FAM228B: variants seen among roughly 807,000 people sequenced by gnomAD.
FAM228B encodes the protein family with sequence similarity 228 member B, also known as protein FAM228B.
Under a neutral mutation model 42.6 loss-of-function variants are expected in FAM228B, and 38 were observed. The ratio of observed to expected loss-of-function variants is 0.89; its 90% CI spans 0.69 to 1.17. FAM228B has a LOEUF of 1.17. Ranked by LOEUF, FAM228B falls within the 50% of genes most tolerant of loss-of-function variation. The pLI, the probability that FAM228B is intolerant of heterozygous loss-of-function variation, is 0.00. For synonymous variants in FAM228B, 109 were observed against 122.3 expected (o/e 0.89, Z 0.72); for missense variants, 344 against 367.3 (o/e 0.94, Z 0.52).
At chr2:24,120,496 G>C (rs1460446042), upstream of FAM228B, among the ~76,000 whole-genome samples, 2 of 152,094 alleles carry the variant, frequency 1.3e-5, no homozygotes, top group East Asian at 1.9e-4. Flanking sequence ...ATAATATAGG[G>C]CATCCAATGA....
chr2:24,156,951 T>C (rs1667163847), intron 7 of FAM228B, among the ~76,000 whole-genome samples: 1 of 152,204 alleles, frequency 6.6e-6, no homozygotes, highest in Non-Finnish European at 1.5e-5. Context: ...CTGTTTGTGC[T>C]CTTTCAGTCT....
At chr2:24,102,264 C>T (rs1300280334) in intron 3 of FAM228B, among the ~76,000 whole-genome samples, 1 of 152,146 alleles carries the variant, frequency 6.6e-6, no homozygotes, top group Non-Finnish European at 1.5e-5. Context: ...TGGAATTATA[C>T]CAGCAAAGCT....
chr2:24,148,776 G>A (rs1666954105), intron 7 of FAM228B, among the ~76,000 whole-genome samples: 1 of 151,928 alleles, frequency 6.6e-6, no homozygotes. Context: ...AAGTGTTATT[G>A]ACTATAGTCC....
At chr2:24,135,782 C>T (rs13035774) in intron 3 of FAM228B, among the ~76,000 whole-genome samples, 68,908 of 151,846 alleles carry the variant, frequency 0.45, 16,595 homozygotes, top group East Asian at 0.78. Flanking sequence ...TTGAATTTCA[C>T]GCTCTTCCTA....
chr2:24,158,685 A>G (rs971462553), intron 7 of FAM228B, among the ~76,000 whole-genome samples: 22 of 152,176 alleles, frequency 1.4e-4, no homozygotes, highest in Non-Finnish European at 2.8e-4. Context: ...CTCAGTCACG[A>G]TGGTGGCAAG....
intron 3 of FAM228B, chr2:24,097,451 C>CAAAAAA (rs142500481): frequency 2.6e-4 from 18 of 70,346 alleles, no homozygotes; most frequent in African/African-American, 5.7e-4. Context: ...AAATGGAAAG[C>CAAAAAA]AAAAAAAAAA....
intron 2 of FAM228B, among the ~76,000 whole-genome samples, chr2:24,082,611 A>C (rs1665052712): frequency 6.6e-6 from 1 of 152,140 alleles, no homozygotes; most frequent in Admixed American, 6.5e-5. Flanking sequence ...CCCCAGAGAG[A>C]AGCTCAGTAT....
Position 24,142,751 on chromosome 2 carries a change from G to A in FAM228B, c.441+3301G>A, listed in dbSNP as rs187796796. 2.0e-5 allele frequency: 3 copies of A among 152,322 alleles called. No homozygotes were observed. In the East Asian group the frequency reaches 5.8e-4, roughly 29 times the overall value. 9.4% of individuals were successfully genotyped at this position (152,322 alleles called of 1,614,324 possible). A position where few individuals can be genotyped will look rare whatever the true frequency, so the allele number is the denominator to read the frequency against. The stretch of plus-strand genomic sequence containing the variant: ...ATTTGTTGCCAATGATAAAAGGTGA[G>A]CTTTCAAGCAAAACATTTGGAATTT... On this transcript the variant is annotated intron_variant, in intron 5 of 10. Coordinates refer to ENST00000615575, the MANE Select transcript of FAM228B (RefSeq NM_001145710.2).
chr2:24,077,872 C>T lies in FAM228B; in HGVS notation c.-290+903C>T, dbSNP rs912097707. ...GAAGCCACGTATCTGAAAAAGCACA[C>T]AGGGACACTTAACCCCTCACTTCCT... On this transcript the variant is annotated intron_variant, in intron 1 of 10. Coordinates refer to the FAM228B transcript ENST00000613899. This position sits in a 1 kb window ranked among gnomAD's most constrained non-coding sequence, Gnocchi z 5.5. The T allele has an allele frequency of 8.4e-7, 1 of 1,192,566 alleles. No homozygotes were observed. Among genetic ancestry groups the T allele is most frequent in the South Asian group, 1.5e-5 (1 of 68,030 alleles). 73.9% of individuals were successfully genotyped at this position (1,192,566 alleles called of 1,614,324 possible).
intron 2 of FAM228B, among the ~76,000 whole-genome samples, chr2:24,094,922 A>G (rs763212214): frequency 9.2e-5 from 14 of 152,058 alleles, no homozygotes; most frequent in Non-Finnish European, 1.6e-4. Context: ...GTGAAACCCC[A>G]TCTCTACTAA....
chr2:24,079,773 G>T, intron 1 of FAM228B: 1 of 805,914 alleles, frequency 1.2e-6, no homozygotes, highest in Non-Finnish European at 2.0e-6. Flanking sequence ...AACACTGCTT[G>T]AAGAACTGTT....
intron 7 of FAM228B, among the ~76,000 whole-genome samples, chr2:24,152,881 A>G (rs1344549473): frequency 1.3e-5 from 2 of 152,180 alleles, no homozygotes; most frequent in Non-Finnish European, 2.9e-5. Flanking sequence ...TTTCTACTGC[A>G]GCTCAGCTGG....
At chr2:24,079,251 G>A in intron 1 of FAM228B, 1 of 585,918 alleles carries the variant, frequency 1.7e-6, no homozygotes, top group Non-Finnish European at 3.0e-6. Flanking sequence ...TTCTTTTCAT[G>A]ATACTGAAGC....
chr2:24,144,039 A>G (rs765315168), intron 5 of FAM228B, among the ~76,000 whole-genome samples: 18 of 152,152 alleles, frequency 1.2e-4, no homozygotes, highest in Admixed American at 9.8e-4. Context: ...CTGGGTTACA[A>G]TACCTCCATT....
At chr2:24,136,352 T>G (rs1414630461) in intron 3 of FAM228B, among the ~76,000 whole-genome samples, 1 of 152,192 alleles carries the variant, frequency 6.6e-6, no homozygotes, top group African/African-American at 2.4e-5. Flanking sequence ...ACCTCCCAAG[T>G]AGCTGGGATT....
chr2:24,138,806 C>T (rs1191426419), intron 4 of FAM228B, among the ~76,000 whole-genome samples: 1 of 151,552 alleles, frequency 6.6e-6, no homozygotes, highest in Admixed American at 6.6e-5. Flanking sequence ...ATTAGCCAGG[C>T]ATGGTGGTGG....
chr2:24,153,956 A>G (rs1468783867), intron 7 of FAM228B, among the ~76,000 whole-genome samples: 1 of 152,220 alleles, frequency 6.6e-6, no homozygotes, highest in Non-Finnish European at 1.5e-5. Context: ...TGAGCCCAGC[A>G]TGGCTTTATT....
Position 24,137,976 on chromosome 2 carries a change from G to T in FAM228B, c.236G>T (p.Arg79Ile). Residue 79 changes from arginine to isoleucine, a missense_variant, in exon 4 of 11, where the codon AGA becomes ATA. Coordinates refer to ENST00000615575, the MANE Select transcript of FAM228B (RefSeq NM_001145710.2). Reference sequence around the variant, plus strand: ...AGAAGAAAGGAGATGTTATATAAAAGATGGGTTGACTGTGTGGCAGATCCT... The same window carrying T: ...AGAAGAAAGGAGATGTTATATAAAATATGGGTTGACTGTGTGGCAGATCCT... Reference protein sequence around the residue: ...NARRKEMLYKRWVDCVADPLQ... With the variant: ...NARRKEMLYKIWVDCVADPLQ... 1 of 1,547,924 alleles carries T rather than the reference G, an allele frequency of 6.5e-7. No homozygotes were observed. The highest frequency in any genetic ancestry group is 8.7e-7 in the Non-Finnish European group (1 of 1,146,120).
chr2:24,138,000 C>T lies in FAM228B; in HGVS notation c.260C>T (p.Pro87Leu), dbSNP rs61735940. 1 of 1,547,790 alleles carries T rather than the reference C, an allele frequency of 6.5e-7. No individual in the cohort carries two copies. Among genetic ancestry groups the T allele is most frequent in the Non-Finnish European group, 8.7e-7 (1 of 1,145,902 alleles). Reference sequence around the variant, plus strand: ...AGATGGGTTGACTGTGTGGCAGATCCTCTTCAGAAGAAAATTATAGAAAAA... The same window carrying T: ...AGATGGGTTGACTGTGTGGCAGATCTTCTTCAGAAGAAAATTATAGAAAAA... Reference protein sequence around the residue: ...YKRWVDCVADPLQKKIIEKVC... With the variant: ...YKRWVDCVADLLQKKIIEKVC... The change falls in exon 4 of 11, where the codon CCT (proline) becomes CTT (leucine). Residue 87 changes from proline (P) to leucine (L), a missense_variant. Pro to Leu is a moderately conservative substitution (Grantham distance 98, BLOSUM62 -3). Coordinates refer to ENST00000615575, the MANE Select transcript of FAM228B (RefSeq NM_001145710.2).
Sources: gnomAD v4.1 joint callset for allele counts (sites outside exome capture counted in the v4.1 genomes callset) on GRCh38, gnomAD v4.1.1 for gene constraint, Gnocchi (gnomAD v3.1) non-coding constraint, MANE v1.5 for transcripts, NCBI Gene and HGNC (gene_info 2026-07-23, HGNC 2026-07-21) for gene names.